HYDIN: variants seen among roughly 807,000 people sequenced by gnomAD.
The protein encoded by HYDIN is HYDIN axonemal central pair apparatus protein, also known as axonemal central pair apparatus protein HYDIN.
A neutral mutation model predicts 403.9 loss-of-function variants in HYDIN; 132 were observed. That is an observed-to-expected ratio of 0.33 (90% CI 0.28 to 0.38). The LOEUF (loss-of-function observed/expected upper bound fraction) is 0.38. Ranked by LOEUF, HYDIN falls within the 10% of genes least tolerant of loss-of-function variation. The pLI, the probability that HYDIN is intolerant of heterozygous loss-of-function variation, is 1.00. For synonymous variants in HYDIN, 1,202 were observed against 1,891.7 expected, an observed-to-expected ratio of 0.64 and a Z score of 9.46; for missense variants, 2,827 against 5,009.5, an observed-to-expected ratio of 0.56 and a Z score of 13.15.
In HYDIN at chr16:70,868,720, G is replaced by A. The variant is rs778266159; in HGVS notation, c.11160C>T (p.Asn3720=). ...VVTMKSDVPI[N]LKNMRIRCKL... is the part of the protein sequence containing the mutation. Reference sequence around the variant, plus strand: ...TGCACCTGATCCGCATATTCTTTAGGTTGATGGGTACATCTGACTTCATGG... The same window carrying A: ...TGCACCTGATCCGCATATTCTTTAGATTGATGGGTACATCTGACTTCATGG... The change falls in exon 66 of 86, where the codon AAC becomes AAT. Residue 3720 remains asparagine, a synonymous_variant. Transcript: ENST00000393567. 23 of 1,613,938 alleles carry A rather than the reference G, an allele frequency of 1.4e-5. No individual in the cohort carries two copies. The Admixed American group carries it at 3.8e-4, about 27-fold the overall frequency.
chr16:70,835,935 C>G, intron 77 of HYDIN, 101 bp from the exon 78 acceptor site: 7 of 719,988 alleles, frequency 9.7e-6, no homozygotes, highest in Non-Finnish European at 1.7e-5. Flanking sequence ...CCTTCTCTTT[C>G]TGTGCCCTCA....
intron 10 of HYDIN, among the ~76,000 whole-genome samples, chr16:71,109,115 C>A (rs938308228): frequency 6.6e-6 from 1 of 151,838 alleles, no homozygotes; most frequent in Non-Finnish European, 1.5e-5. Context: ...TGTAACATGT[C>A]CCCAGATTCT....
intron 69 of HYDIN, 28 bp downstream of exon 69, chr16:70,862,020 G>A: frequency 1.3e-6 from 2 of 1,533,512 alleles, no homozygotes; most frequent in Non-Finnish European, 1.8e-6. Flanking sequence ...CTGCCAAGAA[G>A]GGTGTTGTGG....
chr16:71,162,203 C>T (rs1472375325), intron 6 of HYDIN, among the ~76,000 whole-genome samples: 1 of 151,366 alleles, frequency 6.6e-6, no homozygotes, highest in African/African-American at 2.4e-5. Context: ...GAAAACTAAT[C>T]AAGCCAGTTA....
chr16:70,942,623 G>T (rs1298957733), intron 42 of HYDIN, among the ~76,000 whole-genome samples: 1 of 152,276 alleles, frequency 6.6e-6, no homozygotes, highest in African/African-American at 2.4e-5. Flanking sequence ...GGCCACCAGT[G>T]AATGAGCGTT....
chr16:70,950,517 C>G (rs901476589), intron 41 of HYDIN, among the ~76,000 whole-genome samples: 1 of 151,650 alleles, frequency 6.6e-6, no homozygotes, highest in African/African-American at 2.4e-5. Flanking sequence ...CTCAGCCTCC[C>G]GAAGTGCTGG....
chr16:71,133,609 A>C (rs1380777904), intron 8 of HYDIN, among the ~76,000 whole-genome samples: 1 of 152,216 alleles, frequency 6.6e-6, no homozygotes. Flanking sequence ...GTACAGAGCA[A>C]ATCTAGAATT....
At position 71,230,696 on chromosome 16, in the gene HYDIN, CGA is replaced by C. The variant is rs1567483318; in HGVS notation, c.-160_-159del. 2 of 1,535,932 alleles carry C rather than the reference CGA, an allele frequency of 1.3e-6. No homozygotes were observed. The highest frequency in any genetic ancestry group is 1.7e-6 in the Non-Finnish European group (2 of 1,146,878). ...CCGCCCGCACTCTCCATGCGCCGCC[CGA>C]GCTGTTGCCGTCCGTTGCCACGGTA... On this transcript the variant is annotated 5_prime_UTR_variant, in exon 1 of 86. Transcript: ENST00000393567.
At position 70,809,907 on chromosome 16, in the gene HYDIN, T is replaced by A. The variant is rs986403779; in HGVS notation, c.14759A>T (p.Tyr4920Phe). Residue 4920 changes from tyrosine (Y) to phenylalanine (F), a missense_variant, in exon 85 of 86, where the codon TAT (tyrosine) becomes TTT (phenylalanine). Tyr to Phe is a conservative substitution (Grantham distance 22). Coordinates refer to ENST00000393567, the MANE Select transcript of HYDIN (RefSeq NM_001270974.2). The stretch of plus-strand genomic sequence containing the variant: ...CGGAAGTGCTGGCGTGGCTTTCAGA[T>A]AGAGCTCATATTGGTAGTAACCCAA... ...TDLGYYQYELYLKATPALPEK... is the reference protein window; with the variant it reads ...TDLGYYQYELFLKATPALPEK... 1 of 1,614,166 alleles carries A rather than the reference T, an allele frequency of 6.2e-7. No individual in the cohort carries two copies. Among genetic ancestry groups the A allele is most frequent in the Non-Finnish European group, 8.5e-7 (1 of 1,180,022 alleles).
At position 70,806,601 on chromosome 16, in the gene HYDIN, T is replaced by C. The variant is rs533867036; in HGVS notation, c.*979A>G. ...GGACCATTTTTAAGACCCACTTCTT[T>C]ACGGCATTCATTCCCAAGAGGCCAT... On this transcript the variant is annotated 3_prime_UTR_variant, in exon 86 of 86. Transcript: ENST00000393567. 6.6e-6 allele frequency among the ~76,000 whole-genome samples: 1 copy of C among 152,284 alleles called. No individual in the cohort carries two copies. The highest frequency in any genetic ancestry group is 2.1e-4 in the South Asian group (1 of 4,822).
intron 9 of HYDIN, among the ~76,000 whole-genome samples, chr16:71,125,551 G>A (rs1225055796): frequency 1.3e-5 from 2 of 152,056 alleles, no homozygotes; most frequent in Non-Finnish European, 2.9e-5. Flanking sequence ...TTGTGTACAA[G>A]GCAACTGAAG....
rs57745530 is a variant in HYDIN, at chr16:71,029,118, A to G, written c.2769-1243T>C. Among the ~76,000 whole-genome samples the G allele has an allele frequency of 6.6e-4, 101 of 152,340 alleles. 2 individuals carry two copies. The highest frequency in any genetic ancestry group is 2.3e-3 in the African/African-American group (97 of 41,580). ...GCGTATGGCTATTTCTTTAGAGCAGATGTTGGCAAACTTTTTCTTTAAAGG... is the reference window on the plus strand; with the variant it reads ...GCGTATGGCTATTTCTTTAGAGCAGGTGTTGGCAAACTTTTTCTTTAAAGG... On this transcript the variant is annotated intron_variant, in intron 19 of 85. Coordinates refer to ENST00000393567, the MANE Select transcript of HYDIN (RefSeq NM_001270974.2).
intron 19 of HYDIN, among the ~76,000 whole-genome samples, chr16:71,030,435 CTTTT>C (rs74603771): frequency 4.7e-5 from 6 of 128,486 alleles, no homozygotes; most frequent in African/African-American, 1.4e-4. Flanking sequence ...TCTTTTCTTT[CTTTT>C]TTTTTTTTTT....
intron 14 of HYDIN, among the ~76,000 whole-genome samples, chr16:71,068,465 C>G (rs1350577286): frequency 6.6e-6 from 1 of 151,662 alleles, no homozygotes; most frequent in Non-Finnish European, 1.5e-5. Flanking sequence ...AACAGAGAAT[C>G]CTAGTGTGAC....
At chr16:70,920,494 G>C in intron 46 of HYDIN, 97 bp downstream of exon 46, 1 of 779,792 alleles carries the variant, frequency 1.3e-6, no homozygotes, top group Admixed American at 2.7e-5. Flanking sequence ...CAGTTGAGGG[G>C]ATATGGGTTT....
Position 70,833,978 on chromosome 16 carries a change from C to T in HYDIN, c.13588G>A (p.Asp4530Asn). 6.2e-7 allele frequency: 1 copy of T among 1,611,586 alleles called. No homozygotes were observed. The highest frequency in any genetic ancestry group is 8.5e-7 in the Non-Finnish European group (1 of 1,178,588). ...GCCQALEISLDQEHIPFGPVV... is the reference protein window; with the variant it reads ...GCCQALEISLNQEHIPFGPVV... ...GGTCCAAAGGGAATATGTTCCTGGT[C>T]CAGTGAGATCTCCAGGGCCTGGCAG... Residue 4530 changes from aspartate to asparagine, a missense_variant, in exon 79 of 86, where the codon GAC (aspartate) becomes AAC (asparagine). Transcript: ENST00000393567.
intron 83 of HYDIN, among the ~76,000 whole-genome samples, chr16:70,821,681 T>C (rs2036271901): frequency 1.3e-5 from 2 of 151,996 alleles, no homozygotes; most frequent in Non-Finnish European, 2.9e-5. Context: ...ACAGGCATAG[T>C]TTTCTTTGTA....
chr16:71,107,720 G>C (rs1205458461), intron 10 of HYDIN, among the ~76,000 whole-genome samples: 1 of 151,522 alleles, frequency 6.6e-6, no homozygotes, highest in African/African-American at 2.4e-5. Context: ...TACACTGTTG[G>C]TGGGAGTGTA....
chr16:71,172,657 G>A (rs1360730853), intron 5 of HYDIN, among the ~76,000 whole-genome samples: 2 of 152,126 alleles, frequency 1.3e-5, no homozygotes, highest in African/African-American at 4.8e-5. Flanking sequence ...GGAGGGAAAT[G>A]TAAATTGCAT....
Sources: allele counts gnomAD v4.1 joint callset (sites outside exome capture counted in the v4.1 genomes callset), GRCh38; gene constraint gnomAD v4.1.1; transcripts MANE v1.5; gene names NCBI Gene and HGNC (gene_info 2026-07-23, HGNC 2026-07-21).